The following KLF13 variants were observed in gnomAD, a reference collection of about 807,000 sequenced individuals.
KLF13 encodes the protein Krueppel-like factor 13.
A neutral mutation model predicts 16.7 loss-of-function variants in KLF13; 8 were observed. The ratio of observed to expected loss-of-function variants is 0.48; its 90% CI spans 0.28 to 0.87. The LOEUF (loss-of-function observed/expected upper bound fraction) is 0.87, where lower values mean the gene tolerates loss of function less well. Ranked by LOEUF, KLF13 falls within the 40% of genes least tolerant of loss-of-function variation. The probability of loss-of-function intolerance (pLI) is 0.10; values close to 1 mark genes in which losing one functional copy is unlikely to be tolerated. For missense variants in KLF13, 447 were observed against 452.2 expected, an observed-to-expected ratio of 0.99 and a Z score of 0.10; for synonymous variants, 245 against 208.4, an observed-to-expected ratio of 1.18 and a Z score of -1.51.
chr15:31,406,277 G>T (rs1479385390), downstream of KLF13, among the ~76,000 whole-genome samples: 2 of 152,148 alleles, frequency 1.3e-5, no homozygotes, highest in African/African-American at 4.8e-5. Flanking sequence ...AGGAGTTTGA[G>T]ACCAGCCGGG....
intron 2 of KLF13, among the ~76,000 whole-genome samples, chr15:31,396,479 G>T (rs558249038): frequency 6.6e-6 from 1 of 152,168 alleles, no homozygotes; most frequent in East Asian, 1.9e-4. Flanking sequence ...GGATAATTTG[G>T]TGGTTGGGGG....
chr15:31,345,603 G>A (rs1373781806), intron 1 of KLF13, among the ~76,000 whole-genome samples: 1 of 152,204 alleles, frequency 6.6e-6, no homozygotes, highest in Non-Finnish European at 1.5e-5. Context: ...AGAAAGCCCG[G>A]GAGGTGTACC....
chr15:31,431,417 T>C (rs1852684341), intron 1 of KLF13, among the ~76,000 whole-genome samples: 1 of 152,234 alleles, frequency 6.6e-6, no homozygotes, highest in African/African-American at 2.4e-5. Flanking sequence ...ATTCATATAA[T>C]GGATTTTATG....
At chr15:31,411,578 T>C (rs1030504304) in intron 1 of KLF13, among the ~76,000 whole-genome samples, 17 of 150,540 alleles carry the variant, frequency 1.1e-4, no homozygotes, top group Non-Finnish European at 1.9e-4. Flanking sequence ...TTTTTTTTTT[T>C]GTATTTTTAG....
At chr15:31,364,809 C>G (rs184945442) in intron 1 of KLF13, among the ~76,000 whole-genome samples, 2 of 152,222 alleles carry the variant, frequency 1.3e-5, no homozygotes, top group Non-Finnish European at 2.9e-5. Context: ...GGACTTCCTG[C>G]GAAGCCATGT....
intron 1 of KLF13, among the ~76,000 whole-genome samples, chr15:31,370,213 T>C (rs2140965308): frequency 6.6e-6 from 1 of 151,956 alleles, no homozygotes; most frequent in East Asian, 1.9e-4. Context: ...TCCCCCAACA[T>C]GTAAAATCAA....
chr15:31,349,759 A>G (rs1329401448), intron 1 of KLF13, among the ~76,000 whole-genome samples: 1 of 152,204 alleles, frequency 6.6e-6, no homozygotes, highest in Admixed American at 6.5e-5. Context: ...TCAGGTCCTC[A>G]GGCTGCTTTA....
At chr15:31,424,499 AG>A (rs1194566129) in intron 1 of KLF13, among the ~76,000 whole-genome samples, 1 of 152,186 alleles carries the variant, frequency 6.6e-6, no homozygotes, top group Non-Finnish European at 1.5e-5. Flanking sequence ...AAGTAAAAAA[AG>A]AAAAAAGAAT....
intron 1 of KLF13, among the ~76,000 whole-genome samples, chr15:31,352,083 A>G (rs1463887263): frequency 6.6e-6 from 1 of 151,984 alleles, no homozygotes; most frequent in Non-Finnish European, 1.5e-5. Context: ...GTTTACACAC[A>G]ACAACAAAAA....
At chr15:31,348,876 T>C (rs979940447) in intron 1 of KLF13, among the ~76,000 whole-genome samples, 16 of 152,198 alleles carry the variant, frequency 1.1e-4, no homozygotes, top group Non-Finnish European at 1.5e-5. Flanking sequence ...TCTTCCTGGT[T>C]CGTAGACAGC....
At chr15:31,429,207 G>GGTGAGGGGACAA (rs773796498) in intron 1 of KLF13, among the ~76,000 whole-genome samples, 19,902 of 152,068 alleles carry the variant, frequency 0.13, 3,837 homozygotes, top group African/African-American at 0.42. Flanking sequence ...TCAGTGCAGC[G>GGTGAGGGGACAA]TTTTCAGGTG....
chr15:31,401,169 T>C (rs2040031476), intron 2 of KLF13, among the ~76,000 whole-genome samples: 1 of 152,154 alleles, frequency 6.6e-6, no homozygotes, highest in South Asian at 2.1e-4. Context: ...CCCAGCTAAC[T>C]TTATATTTTT....
intron 1 of KLF13, among the ~76,000 whole-genome samples, chr15:31,349,987 C>T (rs1403280166): frequency 6.6e-6 from 1 of 152,242 alleles, no homozygotes; most frequent in Non-Finnish European, 1.5e-5. Context: ...GCCAAGTCCT[C>T]AGAGTAGCCT....
chr15:31,328,412 G>A (rs1272805817), intron 1 of KLF13, among the ~76,000 whole-genome samples: 5 of 152,042 alleles, frequency 3.3e-5, no homozygotes, highest in Admixed American at 3.3e-4. Context: ...GGCGATGCGG[G>A]GGGCGGTCCC....
At position 31,327,795 on chromosome 15, in the gene KLF13, TG is replaced by T; in HGVS notation, c.577+10del. ...GCACCTGAGAACTCACACAGGTCAG[TG>T]GGGCGGCGCGGGCGCCCGGATCGCG... On this transcript the variant is annotated splice_region_variant and intron_variant, in intron 1 of 1. Coordinates refer to ENST00000307145, the MANE Select transcript of KLF13 (RefSeq NM_015995.4). The T allele has an allele frequency of 2.0e-6, 3 of 1,478,744 alleles. No homozygotes were observed. The highest frequency in any genetic ancestry group is 2.7e-6 in the Non-Finnish European group (3 of 1,104,950). The allele number at this position is 1,478,744 out of a possible 1,614,324, so 91.6% of individuals were successfully genotyped here.
chr15:31,365,895 C>T (rs113073202), intron 1 of KLF13, among the ~76,000 whole-genome samples: 53 of 152,280 alleles, frequency 3.5e-4, no homozygotes, highest in African/African-American at 1.1e-3. Context: ...GCCCCCCTTC[C>T]GGCTGGCTCT....
intron 1 of KLF13, among the ~76,000 whole-genome samples, chr15:31,371,552 C>T (rs2039554774): frequency 6.6e-6 from 1 of 152,226 alleles, no homozygotes; most frequent in African/African-American, 2.4e-5. Flanking sequence ...GCCTTCCTGC[C>T]CTGCAGGGGT....
At chr15:31,352,492 C>T (rs2039232432) in intron 1 of KLF13, among the ~76,000 whole-genome samples, 2 of 152,214 alleles carry the variant, frequency 1.3e-5, no homozygotes, top group South Asian at 4.1e-4. Flanking sequence ...TGGGCCATGA[C>T]GTCGGCCAGC....
upstream of KLF13, among the ~76,000 whole-genome samples, chr15:31,391,383 G>C (rs2039864585): frequency 7.2e-6 from 1 of 138,012 alleles, no homozygotes; most frequent in African/African-American, 2.7e-5. Flanking sequence ...GGTCTGTGGG[G>C]GCTGGGTTTG....
Sources: gnomAD v4.1 joint callset for allele counts (sites outside exome capture counted in the v4.1 genomes callset) on GRCh38, gnomAD v4.1.1 for gene constraint, MANE v1.5 for transcripts, NCBI Gene and HGNC (gene_info 2026-07-23, HGNC 2026-07-21) for gene names.